SERAC1: variants seen among roughly 807,000 people sequenced by gnomAD.
SERAC1 encodes protein SERAC1.
A neutral mutation model predicts 85.7 loss-of-function variants in SERAC1; 36 were observed. That is an observed-to-expected ratio of 0.42 (90% CI 0.32 to 0.55). The LOEUF is 0.55. SERAC1 is among the 20% of genes least tolerant of loss of function. The probability of loss-of-function intolerance (pLI) is 0.11; values close to 1 mark genes in which losing one functional copy is unlikely to be tolerated. For missense variants in SERAC1, 629 were observed against 796.2 expected (o/e 0.79, Z 2.53); for synonymous variants, 242 against 265.3 (o/e 0.91, Z 0.85).
chr6:158,133,276 G>A (rs1002924232), intron 8 of SERAC1, among the ~76,000 whole-genome samples: 2 of 150,512 alleles, frequency 1.3e-5, no homozygotes, highest in South Asian at 2.1e-4. Context: ...CCCAGCCTGG[G>A]CAACAGAGTG....
intron 1 of SERAC1, among the ~76,000 whole-genome samples, 187 bp downstream of exon 1, chr6:158,167,953 C>A (rs1213674694): frequency 6.6e-6 from 1 of 151,522 alleles, no homozygotes; most frequent in African/African-American, 2.4e-5. Context: ...ACGAGTCAGG[C>A]TCGCGACCAC....
chr6:158,115,115 G>T, intron 14 of SERAC1, 144 bp from the exon 15 acceptor site: 1 of 833,210 alleles, frequency 1.2e-6, no homozygotes, highest in Non-Finnish European at 1.8e-6. Context: ...TCTCTGTACA[G>T]TAGTATAAGA....
At chr6:158,167,456 T>C (rs1044222741) in intron 1 of SERAC1, among the ~76,000 whole-genome samples, 3 of 146,646 alleles carry the variant, frequency 2.0e-5, no homozygotes, top group African/African-American at 7.6e-5. Context: ...GATAATTGCT[T>C]GAACCCAGGA....
At chr6:158,143,309 C>A in intron 7 of SERAC1, 125 bp from the exon 8 acceptor site, 1 of 276,388 alleles carries the variant, frequency 3.6e-6, no homozygotes, top group East Asian at 5.4e-5. Flanking sequence ...GTGCATGTCT[C>A]TCTCTCTCTC....
chr6:158,111,943 T>C (rs1440627869), intron 16 of SERAC1: 2 of 153,416 alleles, frequency 1.3e-5, no homozygotes, highest in African/African-American at 4.8e-5. Flanking sequence ...GTAAAAATGA[T>C]TTAGTGCTTG....
intron 14 of SERAC1, among the ~76,000 whole-genome samples, chr6:158,115,922 C>A (rs1387573885): frequency 1.3e-5 from 2 of 152,202 alleles, no homozygotes; most frequent in Non-Finnish European, 2.9e-5. Flanking sequence ...TTATTCATTA[C>A]CGCTATGTGA....
Position 158,160,381 on chromosome 6 carries a change from T to C in SERAC1, c.-1-2017A>G, listed in dbSNP as rs79037785. 8.0e-3 allele frequency among the ~76,000 whole-genome samples: 1,220 copies of C among 152,270 alleles called. 11 individuals are homozygous for C. The highest frequency in any genetic ancestry group is 0.027 in the East Asian group (140 of 5,178). On this transcript the variant is annotated intron_variant, in intron 1 of 16. Coordinates refer to ENST00000647468, the MANE Select transcript of SERAC1 (RefSeq NM_032861.4). ...AATCTGTGGCAAACAAATACTACCC[T>C]TTTTGGGGGGTCATAATGTGAAAAG...
chr6:158,130,596 T>A, intron 8 of SERAC1, 110 bp from the exon 9 acceptor site: 2 of 620,224 alleles, frequency 3.2e-6, no homozygotes, highest in Non-Finnish European at 5.6e-6. Context: ...AATACTAATG[T>A]GTAGGGCCTC....
intron 4 of SERAC1, among the ~76,000 whole-genome samples, chr6:158,149,425 T>G (rs1018412904): frequency 6.6e-6 from 1 of 152,198 alleles, no homozygotes; most frequent in South Asian, 2.1e-4. Context: ...AAAACCATTA[T>G]GGAAACACAG....
intron 16 of SERAC1, chr6:158,112,018 A>G (rs1182311082): frequency 6.6e-6 from 1 of 152,506 alleles, no homozygotes; most frequent in Non-Finnish European, 1.5e-5. Context: ...GAGGCCACCT[A>G]GGTGAGGAAT....
chr6:158,111,093 C>G lies in SERAC1; in HGVS notation c.*273G>C, dbSNP rs1431601760. 1 of 231,304 alleles carries G rather than the reference C, an allele frequency of 4.3e-6. No homozygotes were observed. Among genetic ancestry groups the G allele is most frequent in the African/African-American group, 2.3e-5 (1 of 44,320 alleles). The allele number at this position is 231,304 out of a possible 1,614,324, so 14.3% of individuals were successfully genotyped here. A position where few individuals can be genotyped will look rare whatever the true frequency, so the allele number is the denominator to read the frequency against. ...TCTCACAGCAGCTTTGCTCCAGTCA[C>G]CAAGCCCAACACTGCGAACCATAAA... On this transcript the variant is annotated 3_prime_UTR_variant, in exon 17 of 17. Transcript: ENST00000647468.
rs749949277 is a variant in SERAC1, at chr6:158,113,504, T to C, written c.1773A>G (p.Leu591=). ...NFQVLNFVET[L]PTYIGSMIKL... ...TAATCATGCTGCCAATGTAGGTTGGTAGTGTTTCCACAAAATTCAGCACCT... is the reference window on the plus strand; with the variant it reads ...TAATCATGCTGCCAATGTAGGTTGGCAGTGTTTCCACAAAATTCAGCACCT... The change falls in exon 16 of 17, where the codon CTA becomes CTG. Residue 591 remains leucine, a synonymous_variant. Coordinates refer to ENST00000647468, the MANE Select transcript of SERAC1 (RefSeq NM_032861.4). The C allele has an allele frequency of 2.5e-6, 4 of 1,613,926 alleles. No homozygotes were observed. Among genetic ancestry groups the C allele is most frequent in the East Asian group, 4.5e-5 (2 of 44,876 alleles).
intron 6 of SERAC1, chr6:158,145,170 G>C (rs1051781202): frequency 6.6e-6 from 1 of 152,184 alleles, no homozygotes; most frequent in African/African-American, 2.4e-5. Context: ...CTTGAACCCA[G>C]GAGACGGAGG....
intron 1 of SERAC1, among the ~76,000 whole-genome samples, chr6:158,162,981 T>C (rs183962962): frequency 1.3e-5 from 2 of 152,336 alleles, no homozygotes; most frequent in East Asian, 3.9e-4. Flanking sequence ...GGGAAGTACG[T>C]GCACATCGAG....
At chr6:158,144,984 C>T (rs990945091) in intron 6 of SERAC1, among the ~76,000 whole-genome samples, 1 of 152,160 alleles carries the variant, frequency 6.6e-6, no homozygotes, top group Non-Finnish European at 1.5e-5. Flanking sequence ...TGGTTCAGGC[C>T]TGTAATACCA....
chr6:158,128,636 TG>T (rs373881115), intron 9 of SERAC1, among the ~76,000 whole-genome samples: 193 of 152,314 alleles, frequency 1.3e-3, no homozygotes, highest in African/African-American at 4.4e-3. Context: ...TTGAAAAATC[TG>T]CCACCTATTC....
In SERAC1 at chr6:158,114,816, A is replaced by C. The variant is rs369165154; in HGVS notation, c.1657T>G (p.Ser553Ala). Residue 553 changes from serine (S) to alanine (A), a missense_variant, in exon 15 of 17, where the codon TCG becomes GCG. Transcript: ENST00000647468. ...TTGCTGAGTTCTTTGACTTCCAACG[A>C]GGGGAAGAGAAGATAGCGAATATTA... ...SVNIRYLLFP[S>A]LEVKELSKDS... 2 of 1,604,722 alleles carry C rather than the reference A, an allele frequency of 1.2e-6. No homozygotes were observed. The highest frequency in any genetic ancestry group is 1.7e-6 in the Non-Finnish European group (2 of 1,176,572).
At chr6:158,129,800 G>A (rs773400386) in intron 9 of SERAC1, among the ~76,000 whole-genome samples, 7 of 151,456 alleles carry the variant, frequency 4.6e-5, no homozygotes, top group Middle Eastern at 3.4e-3. Flanking sequence ...AGGTTCAAGC[G>A]ATTCTCCTGC....
intron 8 of SERAC1, among the ~76,000 whole-genome samples, chr6:158,142,439 T>TG (rs1784939862): frequency 6.6e-6 from 1 of 151,712 alleles, no homozygotes; most frequent in South Asian, 2.1e-4. Flanking sequence ...CACTGGGCAC[T>TG]GGGATTACAG....
Sources: gnomAD v4.1 joint callset for allele counts (sites outside exome capture counted in the v4.1 genomes callset) on GRCh38, gnomAD v4.1.1 for gene constraint, MANE v1.5 for transcripts, NCBI Gene and HGNC (gene_info 2026-07-23, HGNC 2026-07-21) for gene names.